The following ADAMTS3 variants were observed in gnomAD, a reference collection of about 807,000 sequenced individuals.
The protein encoded by ADAMTS3 is ADAM metallopeptidase with thrombospondin type 1 motif 3.
A neutral mutation model predicts 129.0 loss-of-function variants in ADAMTS3; 73 were observed. That is an observed-to-expected ratio of 0.57 (90% CI 0.47 to 0.69). The LOEUF is 0.69. Ranked by LOEUF, ADAMTS3 falls within the 30% of genes least tolerant of loss-of-function variation. The pLI, the probability that ADAMTS3 is intolerant of heterozygous loss-of-function variation, is 0.00. For missense variants in ADAMTS3, 1,457 were observed against 1,514.5 expected (o/e 0.96, Z 0.63); for synonymous variants, 477 against 510.8 (o/e 0.93, Z 0.89).
chr4:72,287,813 A>G (rs1228011714), intron 21 of ADAMTS3, among the ~76,000 whole-genome samples: 2 of 152,128 alleles, frequency 1.3e-5, no homozygotes, highest in African/African-American at 2.4e-5. Flanking sequence ...ATGGAAATGG[A>G]GGCAGAAGGA....
chr4:72,470,378 C>T (rs34648880), intron 3 of ADAMTS3, among the ~76,000 whole-genome samples: 69,718 of 118,454 alleles, frequency 0.59, 19,965 homozygotes, highest in South Asian at 0.7. Context: ...TATATATATA[C>T]ACACACACAC....
At chr4:72,513,242 G>C (rs1720364463) in intron 3 of ADAMTS3, among the ~76,000 whole-genome samples, 1 of 151,970 alleles carries the variant, frequency 6.6e-6, no homozygotes, top group South Asian at 2.1e-4. Flanking sequence ...CATATTTCTT[G>C]GTCATGCCAG....
At chr4:72,477,609 C>A (rs1237089948) in intron 3 of ADAMTS3, among the ~76,000 whole-genome samples, 3 of 152,012 alleles carry the variant, frequency 2.0e-5, no homozygotes, top group African/African-American at 2.4e-5. Flanking sequence ...AAAATTGACA[C>A]CCTAACATCA....
intron 4 of ADAMTS3, among the ~76,000 whole-genome samples, chr4:72,409,506 T>G (rs1419045865): frequency 6.6e-6 from 1 of 152,098 alleles, no homozygotes; most frequent in Non-Finnish European, 1.5e-5. Flanking sequence ...TAAATAGTAA[T>G]CCTGAGCTCT....
intron 3 of ADAMTS3, among the ~76,000 whole-genome samples, chr4:72,503,753 G>T (rs1274242633): frequency 6.6e-6 from 1 of 152,134 alleles, no homozygotes; most frequent in Non-Finnish European, 1.5e-5. Flanking sequence ...AACAGGTCTA[G>T]AAGTACTTTA....
intron 3 of ADAMTS3, among the ~76,000 whole-genome samples, chr4:72,450,248 C>T (rs1718359332): frequency 6.6e-6 from 1 of 151,680 alleles, no homozygotes; most frequent in South Asian, 2.1e-4. Flanking sequence ...ACAACCCCTG[C>T]TTGAAACCAC....
intron 3 of ADAMTS3, among the ~76,000 whole-genome samples, chr4:72,536,938 G>GT (rs1354141253): frequency 6.6e-6 from 1 of 152,078 alleles, no homozygotes; most frequent in Non-Finnish European, 1.5e-5. Context: ...AAATTAAAAT[G>GT]TAACAGGTAA....
rs911882700 is a variant in ADAMTS3 at position 72,281,682 on chromosome 4, A to G, written c.*1454T>C. The G allele has an allele frequency of 9.2e-5, 14 of 152,198 alleles. No homozygotes were observed. Among genetic ancestry groups the G allele is most frequent in the African/African-American group, 3.4e-4 (14 of 41,458 alleles). The allele number at this position is 152,198 out of a possible 1,614,324, so 9.4% of individuals were successfully genotyped here. A position where few individuals can be genotyped will look rare whatever the true frequency, so the allele number is the denominator to read the frequency against. ...CAAATTTGTTCAGTTTTAGCTTTTG[A>G]GTTGGCTGTAGTAGTTTGCTTAAAG... On this transcript the variant is annotated 3_prime_UTR_variant, in exon 22 of 22. Coordinates refer to ENST00000286657, the MANE Select transcript of ADAMTS3 (RefSeq NM_014243.3).
intron 3 of ADAMTS3, among the ~76,000 whole-genome samples, chr4:72,502,231 A>G (rs940153469): frequency 6.6e-6 from 1 of 152,096 alleles, no homozygotes; most frequent in Non-Finnish European, 1.5e-5. Flanking sequence ...TTGGCTGTGA[A>G]TCCATCTGGT....
intron 4 of ADAMTS3, among the ~76,000 whole-genome samples, chr4:72,393,559 C>T (rs934035567): frequency 6.6e-6 from 1 of 152,210 alleles, no homozygotes; most frequent in Admixed American, 6.5e-5. Context: ...TGTGCTATCA[C>T]TGTCACCAAT....
intron 3 of ADAMTS3, among the ~76,000 whole-genome samples, chr4:72,506,962 C>T (rs1356562162): frequency 2.6e-5 from 4 of 152,178 alleles, no homozygotes; most frequent in Admixed American, 1.3e-4. Flanking sequence ...CTAAAAGCCT[C>T]TAATCCACCT....
At chr4:72,285,377 A>T (rs1049241698) in intron 21 of ADAMTS3, among the ~76,000 whole-genome samples, 6 of 151,856 alleles carry the variant, frequency 4.0e-5, no homozygotes, top group Non-Finnish European at 7.4e-5. Context: ...TCATGTGTGA[A>T]TTTTTTTTGA....
intron 2 of ADAMTS3, among the ~76,000 whole-genome samples, chr4:72,551,283 A>G (rs1377060362): frequency 2.6e-5 from 4 of 152,172 alleles, no homozygotes; most frequent in African/African-American, 9.7e-5. Flanking sequence ...AGAAAAACGC[A>G]GGGAGCCTTC....
At chr4:72,538,500 G>C (rs28835903) in intron 3 of ADAMTS3, among the ~76,000 whole-genome samples, 3 of 146,728 alleles carry the variant, frequency 2.0e-5, no homozygotes, top group Non-Finnish European at 4.5e-5. Flanking sequence ...AATAACAAGA[G>C]AAAAAAAAAA....
At chr4:72,380,489 GCAGTTT>G (rs2078782877) in intron 4 of ADAMTS3, among the ~76,000 whole-genome samples, 1 of 152,136 alleles carries the variant, frequency 6.6e-6, no homozygotes, top group Admixed American at 6.5e-5. Context: ...TATTATGGCT[GCAGTTT>G]CAGATACTGT....
At chr4:72,453,770 T>C (rs539054685) in intron 3 of ADAMTS3, among the ~76,000 whole-genome samples, 136 of 151,580 alleles carry the variant, frequency 9.0e-4, no homozygotes, top group African/African-American at 3.1e-3. Context: ...AAAGTAGGCC[T>C]AAACAGAGAC....
chr4:72,474,127 G>A (rs1719160431), intron 3 of ADAMTS3, among the ~76,000 whole-genome samples: 1 of 152,092 alleles, frequency 6.6e-6, no homozygotes. Context: ...AAAATCCAGA[G>A]TCTCAGAACA....
intron 4 of ADAMTS3, among the ~76,000 whole-genome samples, chr4:72,365,882 A>G (rs75725238): frequency 0.017 from 2,619 of 152,344 alleles, 58 homozygotes; most frequent in African/African-American, 0.06. Context: ...ATCTTTTGGT[A>G]ACAAATACTG....
intron 17 of ADAMTS3, among the ~76,000 whole-genome samples, chr4:72,299,053 CTGTGTGTGTGTGTGTGTGTGTGTGTGTG>C (rs60439058): frequency 5.1e-5 from 7 of 138,144 alleles, no homozygotes; most frequent in Admixed American, 2.2e-4. Flanking sequence ...TATTTGCATT[CTGTGTGTGTGTGTGTGTGTGTGTGTGTG>C]TGTGTGTGTG....
Sources: gnomAD v4.1 joint callset for allele counts (sites outside exome capture counted in the v4.1 genomes callset) on GRCh38, gnomAD v4.1.1 for gene constraint, MANE v1.5 for transcripts, NCBI Gene and HGNC (gene_info 2026-07-23, HGNC 2026-07-21) for gene names.